Variants in OGDH observed in about 807,000 individuals in gnomAD.
OGDH encodes the protein 2-oxoglutarate dehydrogenase complex component E1.
Under a neutral mutation model 116.6 loss-of-function variants are expected in OGDH, and 38 were observed. The ratio of observed to expected loss-of-function variants is 0.33; its 90% CI spans 0.25 to 0.43. The LOEUF (loss-of-function observed/expected upper bound fraction) is 0.43, where lower values mean the gene tolerates loss of function less well. Among genes scored for constraint, OGDH ranks in the 20% least tolerant of loss-of-function variants. The probability of loss-of-function intolerance (pLI) is 1.00; values close to 1 mark genes in which losing one functional copy is unlikely to be tolerated. For synonymous variants in OGDH, 488 were observed against 533.3 expected, an observed-to-expected ratio of 0.92 and a Z score of 1.17; for missense variants, 825 against 1,357.2, an observed-to-expected ratio of 0.61 and a Z score of 6.16.
rs528737991 is a variant in OGDH at position 44,614,705 on chromosome 7, T to A, written c.-28+8052T>A. Among the ~76,000 whole-genome samples the A allele has an allele frequency of 2.6e-5, 4 of 152,312 alleles. No homozygotes were observed. The East Asian group carries it at 7.7e-4, about 29-fold the overall frequency. ...CATTTGTTTCAAGCATGTTCATAGT[T>A]GCTCGTGGAAGCATTTTGAGGATGC... is the stretch of plus-strand genomic sequence containing the variant. On this transcript the variant is annotated intron_variant, in intron 1 of 22. Coordinates refer to ENST00000222673, the MANE Select transcript of OGDH (RefSeq NM_002541.4).
chr7:44,693,606 A>G (rs893194326), intron 10 of OGDH, among the ~76,000 whole-genome samples: 3 of 152,238 alleles, frequency 2.0e-5, no homozygotes, highest in Non-Finnish European at 4.4e-5. Flanking sequence ...TTAACTTTTC[A>G]TACTATGTCT....
chr7:44,626,281 G>T (rs1207533125), intron 2 of OGDH, among the ~76,000 whole-genome samples: 1 of 140,100 alleles, frequency 7.1e-6, no homozygotes, highest in East Asian at 2.1e-4. Flanking sequence ...TGCAGATTGT[G>T]GCAGATTTCA....
At chr7:44,615,833 C>T (rs964139055) in intron 1 of OGDH, among the ~76,000 whole-genome samples, 1 of 152,068 alleles carries the variant, frequency 6.6e-6, no homozygotes, top group Admixed American at 6.5e-5. Flanking sequence ...TTCGAGGCCA[C>T]CCTGGCCAAC....
rs144300328 is a variant in OGDH, at chr7:44,707,969, C to T, written c.3042C>T (p.Phe1014=). The T allele has an allele frequency of 1.2e-4, 191 of 1,613,748 alleles. No individual in the cohort carries two copies. The East Asian group carries it at 1.2e-3, about 11-fold the overall frequency. Reference sequence around the variant, plus strand: ...TGCAGCGCCTCCTGGACACGGCCTTCGACCTGGACGTCTTCAAGAACTTCT... The same window carrying T: ...TGCAGCGCCTCCTGGACACGGCCTTTGACCTGGACGTCTTCAAGAACTTCT... The part of the protein sequence containing the change: ...TELQRLLDTA[F]DLDVFKNFS Residue 1014 remains phenylalanine (F), a synonymous_variant, in exon 23 of 23, where the codon TTC becomes TTT. Transcript: ENST00000222673. This position sits in a 1 kb window ranked among gnomAD's most constrained non-coding sequence, Gnocchi z 5.2.
intron 1 of OGDH, among the ~76,000 whole-genome samples, chr7:44,623,615 C>CTCCA (rs1554297235): frequency 1.3e-5 from 1 of 77,170 alleles, no homozygotes. Context: ...GTATGTTTAT[C>CTCCA]ATCTTAGCCC....
chr7:44,666,662 C>T (rs1269445114), intron 4 of OGDH, 74 bp from the exon 5 acceptor site: 14 of 704,164 alleles, frequency 2.0e-5, no homozygotes, highest in Admixed American at 3.0e-5. Flanking sequence ...TTCCCCTTTC[C>T]ATAAACTGTG....
chr7:44,613,922 T>G (rs1001959160), intron 1 of OGDH, among the ~76,000 whole-genome samples: 36 of 150,328 alleles, frequency 2.4e-4, no homozygotes, highest in Non-Finnish European at 4.3e-4. Flanking sequence ...TTCTCCTGCC[T>G]CAGCCTCCCG....
chr7:44,656,784 C>T (rs1407579303), intron 4 of OGDH, among the ~76,000 whole-genome samples: 2 of 152,178 alleles, frequency 1.3e-5, no homozygotes, highest in East Asian at 1.9e-4. Flanking sequence ...ATTCTGCTTC[C>T]TGGGCATTTT....
chr7:44,635,021 G>A (rs1562627493), intron 2 of OGDH, among the ~76,000 whole-genome samples: 1 of 152,190 alleles, frequency 6.6e-6, no homozygotes, highest in Admixed American at 6.5e-5. Flanking sequence ...TGGCCCACAC[G>A]TTTAGGACCA....
At chr7:44,655,618 G>A (rs1486784419) in intron 4 of OGDH, among the ~76,000 whole-genome samples, 1 of 152,238 alleles carries the variant, frequency 6.6e-6, no homozygotes, top group Non-Finnish European at 1.5e-5. Flanking sequence ...AGCCCAGACA[G>A]TAAGGGTCAG....
At chr7:44,638,269 C>T (rs1479445527) in intron 2 of OGDH, among the ~76,000 whole-genome samples, 1 of 152,138 alleles carries the variant, frequency 6.6e-6, no homozygotes, top group Non-Finnish European at 1.5e-5. Flanking sequence ...GGCACACCCA[C>T]GTACGTCATT....
chr7:44,620,680 G>A (rs1354242768), intron 1 of OGDH, among the ~76,000 whole-genome samples: 2 of 151,946 alleles, frequency 1.3e-5, no homozygotes, highest in Non-Finnish European at 2.9e-5. Context: ...GGCCACATGT[G>A]GCCCAGGACA....
chr7:44,680,562 A>T (rs1318158257), intron 9 of OGDH, among the ~76,000 whole-genome samples: 1 of 152,162 alleles, frequency 6.6e-6, no homozygotes, highest in Non-Finnish European at 1.5e-5. Context: ...ACACACACAC[A>T]CACACACACA....
At position 44,676,164 on chromosome 7, in the gene OGDH, G is replaced by A. The variant is rs1208520482; in HGVS notation, c.1206+15G>A. On this transcript the variant is annotated intron_variant, in intron 9 of 22. Coordinates refer to ENST00000222673, the MANE Select transcript of OGDH (RefSeq NM_002541.4). ...AAGGGAAAAAGGTAAGGCCCAGAGA[G>A]AGGCGTGCAAGGCAGATCGTCAAGG... 2 of 1,614,080 alleles carry A rather than the reference G, an allele frequency of 1.2e-6. No individual in the cohort carries two copies. The highest frequency in any genetic ancestry group is 1.7e-6 in the Non-Finnish European group (2 of 1,180,056).
intron 12 of OGDH, among the ~76,000 whole-genome samples, chr7:44,695,521 A>G (rs999820236): frequency 1.3e-5 from 2 of 152,008 alleles, no homozygotes; most frequent in Non-Finnish European, 2.9e-5. Context: ...CCTGGCCAAC[A>G]TGGTGAAACC....
rs1424767752 is a variant in OGDH at position 44,707,694 on chromosome 7, A to G, written c.2909A>G (p.Lys970Arg). The change falls in exon 22 of 23, where the codon AAG becomes AGG. Residue 970 changes from lysine to arginine, a missense_variant. By Grantham distance (26) the Lys-to-Arg change is conservative (BLOSUM62 2). Around this residue, in one of 7 missense-constraint regions of OGDH, gnomAD observed 212 missense variants for 284.3 expected, o/e 0.75. Transcript: ENST00000222673. The surrounding 1 kb of genome is among the most constrained non-coding windows in gnomAD (Gnocchi z 5.2). Reference protein sequence around the residue: ...HKNQGYYDYVKPRLRTTISRA... With the variant: ...HKNQGYYDYVRPRLRTTISRA... ...AACCAAGGCTACTATGACTACGTGA[A>G]GCCAAGACTTCGGACCACCATCAGC... 6.2e-7 allele frequency: 1 copy of G among 1,614,212 alleles called. No individual in the cohort carries two copies.
chr7:44,683,877 ATATTC>A (rs1320167824), intron 10 of OGDH, among the ~76,000 whole-genome samples: 1 of 152,096 alleles, frequency 6.6e-6, no homozygotes, highest in Non-Finnish European at 1.5e-5. Flanking sequence ...TCCATAACAG[ATATTC>A]TAGTGCCTTT....
At chr7:44,647,379 C>T in intron 3 of OGDH, 1 of 1,105,072 alleles carries the variant, frequency 9.0e-7, no homozygotes, top group Non-Finnish European at 1.3e-6. Flanking sequence ...TAACCTGTGA[C>T]TCTTTTAACC....
intron 19 of OGDH, 78 bp downstream of exon 19, chr7:44,700,347 C>T (rs1487518374): frequency 6.4e-7 from 1 of 1,573,372 alleles, no homozygotes. Context: ...CTCAGAGAGC[C>T]TCTTGCTTGG....
Sources: gnomAD v4.1 joint callset for allele counts (sites outside exome capture counted in the v4.1 genomes callset) on GRCh38, gnomAD v4.1.1 for gene constraint, gnomAD v4.1.1 regional missense constraint, Gnocchi (gnomAD v3.1) non-coding constraint, MANE v1.5 for transcripts, NCBI Gene and HGNC (gene_info 2026-07-23, HGNC 2026-07-21) for gene names.